Variants in NCOA1 observed in about 807,000 individuals in gnomAD.
The protein encoded by NCOA1 is Hin-2 protein.
In NCOA1, 35 loss-of-function variants were observed where a neutral mutation model predicts 150.9. That is an observed-to-expected ratio of 0.23 (90% confidence interval 0.18 to 0.31). The LOEUF (loss-of-function observed/expected upper bound fraction) is 0.31. Ranked by LOEUF, NCOA1 falls within the 10% of genes least tolerant of loss-of-function variation. NCOA1 has a pLI of 1.00. For synonymous variants in NCOA1, 590 were observed against 630.0 expected (o/e 0.94, Z 0.95); for missense variants, 1,491 against 1,749.3 (o/e 0.85, Z 2.63).
At chr2:24,536,252 A>AGCT (rs1423877887) in intron 1 of NCOA1, among the ~76,000 whole-genome samples, 2 of 152,100 alleles carry the variant, frequency 1.3e-5, no homozygotes, top group Non-Finnish European at 2.9e-5. Context: ...CGGTTATTGA[A>AGCT]GCTTCTGCAT....
chr2:24,752,188 T>G (rs1558340155), intron 20 of NCOA1, 32 bp downstream of exon 20: 1 of 1,600,864 alleles, frequency 6.2e-7, no homozygotes, highest in South Asian at 1.1e-5. Context: ...ATGAGCATCC[T>G]TGATACTGTG....
rs1465661771 is a variant in NCOA1, at chr2:24,693,310, G to A, written c.771G>A (p.Thr257=). ...ARRLPRPPAI[T]GVESFMTKQD... The stretch of plus-strand genomic sequence containing the variant: ...GATTACCTCGGCCTCCAGCTATTAC[G>A]GGTGTAGAATCCTTTATGACCAAGC... Residue 257 remains threonine, a synonymous_variant, in exon 10 of 23, where the codon ACG becomes ACA. Transcript: ENST00000348332. 10 of 1,613,980 alleles carry A rather than the reference G, an allele frequency of 6.2e-6. No homozygotes were observed. The highest frequency in any genetic ancestry group is 1.6e-4 in the Middle Eastern group (1 of 6,084).
At chr2:24,696,492 G>A (rs1672905291) in intron 10 of NCOA1, among the ~76,000 whole-genome samples, 2 of 152,172 alleles carry the variant, frequency 1.3e-5, no homozygotes, top group Non-Finnish European at 2.9e-5. Context: ...GACAACACAA[G>A]TGATGAAAGG....
At chr2:24,746,618 T>C (rs866416387) in intron 19 of NCOA1, among the ~76,000 whole-genome samples, 5 of 152,116 alleles carry the variant, frequency 3.3e-5, no homozygotes, top group Non-Finnish European at 2.9e-5. Flanking sequence ...GATTATCTGA[T>C]TGATGCAAGT....
At chr2:24,660,399 A>G (rs1240825167) in intron 5 of NCOA1, among the ~76,000 whole-genome samples, 5 of 152,096 alleles carry the variant, frequency 3.3e-5, no homozygotes, top group Non-Finnish European at 7.4e-5. Flanking sequence ...TTTAAAAGTA[A>G]TACAATATTA....
intron 9 of NCOA1, among the ~76,000 whole-genome samples, chr2:24,692,583 G>A (rs1248665997): frequency 6.6e-6 from 1 of 152,280 alleles, no homozygotes; most frequent in East Asian, 1.9e-4. Flanking sequence ...AAGTACTGGT[G>A]AATATAAGAA....
chr2:24,614,544 A>G (rs965274646), intron 3 of NCOA1, among the ~76,000 whole-genome samples: 1 of 151,748 alleles, frequency 6.6e-6, no homozygotes, highest in Non-Finnish European at 1.5e-5. Context: ...TTCATTCTTT[A>G]TATCAGACGT....
intron 5 of NCOA1, among the ~76,000 whole-genome samples, chr2:24,663,533 C>T (rs987401613): frequency 6.6e-5 from 10 of 152,158 alleles, no homozygotes; most frequent in African/African-American, 2.2e-4. Flanking sequence ...AAGGCATGCA[C>T]CTGAGAAATT....
At chr2:24,585,086 G>A (rs1461279279) in intron 3 of NCOA1, among the ~76,000 whole-genome samples, 1 of 152,060 alleles carries the variant, frequency 6.6e-6, no homozygotes, top group Non-Finnish European at 1.5e-5. Flanking sequence ...TAGTAAGATT[G>A]TGTCAGCCTT....
intron 1 of NCOA1, chr2:24,491,840 A>T (rs952025862): frequency 6.6e-6 from 1 of 151,334 alleles, no homozygotes; most frequent in African/African-American, 2.4e-5. Flanking sequence ...CGCCGGGGGA[A>T]ATCGCTGCAG....
At chr2:24,645,356 A>G (rs1438705538) in intron 4 of NCOA1, among the ~76,000 whole-genome samples, 1 of 149,748 alleles carries the variant, frequency 6.7e-6, no homozygotes, top group Non-Finnish European at 1.5e-5. Flanking sequence ...AAAAAAAATT[A>G]GCCAGGCGTG....
chr2:24,658,832 G>A, intron 5 of NCOA1, 66 bp downstream of exon 5: 1 of 1,420,118 alleles, frequency 7.0e-7, no homozygotes, highest in Admixed American at 1.8e-5. Flanking sequence ...CCACTTCAGA[G>A]CTTTTGTTTA....
chr2:24,520,502 A>G (rs779170146), intron 1 of NCOA1, among the ~76,000 whole-genome samples: 3 of 152,218 alleles, frequency 2.0e-5, no homozygotes, highest in African/African-American at 7.2e-5. Flanking sequence ...AAAAGAGTGC[A>G]TTCTGTATGA....
At chr2:24,738,063 T>A (rs1305059487) in intron 17 of NCOA1, among the ~76,000 whole-genome samples, 1 of 152,076 alleles carries the variant, frequency 6.6e-6, no homozygotes. Context: ...TATTCCACAA[T>A]GCCTTAGATT....
intron 14 of NCOA1, among the ~76,000 whole-genome samples, chr2:24,715,265 TGTTA>T (rs933802293): frequency 2.6e-5 from 4 of 152,214 alleles, no homozygotes; most frequent in African/African-American, 7.2e-5. Context: ...TTTTCTCATT[TGTTA>T]GTTTCTTTAA....
At chr2:24,632,130 T>C (rs1469299284) in intron 3 of NCOA1, among the ~76,000 whole-genome samples, 1 of 152,170 alleles carries the variant, frequency 6.6e-6, no homozygotes, top group Non-Finnish European at 1.5e-5. Flanking sequence ...ATAAGGATTT[T>C]TTAAAAGTCA....
Position 24,707,213 on chromosome 2 carries a change from G to C in NCOA1, c.1743G>C (p.Glu581Asp). 1 of 1,614,186 alleles carries C rather than the reference G, an allele frequency of 6.2e-7. No homozygotes were observed. The highest frequency in any genetic ancestry group is 8.5e-7 in the Non-Finnish European group (1 of 1,180,020). The change falls in exon 13 of 23, where the codon GAG (glutamate) becomes GAC (aspartate). Residue 581 changes from glutamate (E) to aspartate (D), a missense_variant. By Grantham distance (45) the Glu-to-Asp change is conservative. This residue lies in a region of NCOA1 where 703 missense variants were observed against 717.7 expected (regional missense o/e 0.98). Transcript: ENST00000348332. ...TAAATATACAACCAGCAAAAGCTGA[G>C]TCCAAAGATAACAAAGAGATTGCCT... is the stretch of plus-strand genomic sequence containing the variant. ...SRLNIQPAKA[E>D]SKDNKEIASI... is the part of the protein sequence containing the mutation.
At chr2:24,708,236 C>T (rs1013997532) in intron 13 of NCOA1, among the ~76,000 whole-genome samples, 3 of 152,162 alleles carry the variant, frequency 2.0e-5, no homozygotes, top group African/African-American at 7.2e-5. Flanking sequence ...AGGAACCAAA[C>T]CTAAGTCTGG....
chr2:24,763,610 C>T (rs1664899243), intron 22 of NCOA1, among the ~76,000 whole-genome samples: 1 of 132,858 alleles, frequency 7.5e-6, no homozygotes, highest in African/African-American at 2.8e-5. Context: ...ACTTTGGTCT[C>T]TCTCTCTTTT....
Sources: gnomAD v4.1 joint callset for allele counts (sites outside exome capture counted in the v4.1 genomes callset) on GRCh38, gnomAD v4.1.1 for gene constraint, gnomAD v4.1.1 regional missense constraint, MANE v1.5 for transcripts, NCBI Gene and HGNC (gene_info 2026-07-23, HGNC 2026-07-21) for gene names.